MED13L: variants seen among roughly 807,000 people sequenced by gnomAD.
The protein encoded by MED13L is mediator complex subunit 13L.
In MED13L, 7 loss-of-function variants were observed where a neutral mutation model predicts 220.9. That is an observed-to-expected ratio of 0.03 (90% confidence interval 0.02 to 0.06). The LOEUF (loss-of-function observed/expected upper bound fraction) is 0.06. Among genes scored for constraint, MED13L ranks in the 10% least tolerant of loss-of-function variants. The probability of loss-of-function intolerance (pLI) is 1.00; values close to 1 mark genes in which losing one functional copy is unlikely to be tolerated. For synonymous variants in MED13L, 1,011 were observed against 1,015.2 expected (o/e 1.00, Z 0.08); for missense variants, 1,965 against 2,760.5 (o/e 0.71, Z 6.46).
At chr12:116,078,037 G>C (rs1050492698) in intron 4 of MED13L, among the ~76,000 whole-genome samples, 2 of 151,586 alleles carry the variant, frequency 1.3e-5, no homozygotes, top group Admixed American at 6.6e-5. Context: ...CCAGCTACTC[G>C]GGAGGCTGAG....
At chr12:116,054,583 T>C (rs1482279071) in intron 4 of MED13L, among the ~76,000 whole-genome samples, 1 of 152,230 alleles carries the variant, frequency 6.6e-6, no homozygotes, top group Non-Finnish European at 1.5e-5. Flanking sequence ...ATAGCTTTCA[T>C]GTAAACATTA....
chr12:116,164,502 G>C (rs975783854), intron 2 of MED13L, among the ~76,000 whole-genome samples: 4 of 152,218 alleles, frequency 2.6e-5, no homozygotes, highest in Non-Finnish European at 4.4e-5. Flanking sequence ...TTTTCTGACT[G>C]ATGTGACATG....
chr12:116,277,084 A>G lies in MED13L; in HGVS notation c.48T>C (p.Asp16=), dbSNP rs1222406573. ...NWVANGASLE[D]CHSNLFSLAE... is the part of the protein sequence containing the mutation. ...CCAGCGAAAAGAGGTTGGAGTGACA[A>G]TCCTCCAGGCTCGCCCCGTTCGCCA... is the stretch of plus-strand genomic sequence containing the variant. The change falls in exon 1 of 31, where the codon GAT becomes GAC. Residue 16 remains aspartate, a synonymous_variant. Transcript: ENST00000281928. The G allele has an allele frequency of 6.3e-7, 1 of 1,593,794 alleles. No individual in the cohort carries two copies.
rs1876876797 is a variant in MED13L, at chr12:115,975,523, T to A, written c.5580A>T (p.Leu1860Phe). ...ACATCAAGTCTTCTCACCTGTTTGG[T>A]AAAGCAATATTTACAACGCAGGTCT... ...LLETCVVNIA[L>F]PNRSRRSKVS... The change falls in exon 24 of 31, where the codon TTA becomes TTT. Residue 1860 changes from leucine (L) to phenylalanine (F), a missense_variant. Leu to Phe is a conservative substitution (Grantham distance 22). Around this residue, in one of 10 missense-constraint regions of MED13L, gnomAD observed 510 missense variants for 620.4 expected, o/e 0.82. Transcript: ENST00000281928. The A allele has an allele frequency of 6.2e-7, 1 of 1,613,752 alleles. No individual in the cohort carries two copies. The highest frequency in any genetic ancestry group is 1.3e-5 in the African/African-American group (1 of 74,928).
intron 2 of MED13L, among the ~76,000 whole-genome samples, chr12:116,165,331 TTTTG>T (rs1183240605): frequency 7.3e-5 from 11 of 150,512 alleles, no homozygotes; most frequent in African/African-American, 2.0e-4. Flanking sequence ...ATGTCCACTT[TTTTG>T]TTTGTTTATT....
At chr12:116,020,063 G>C in intron 5 of MED13L, 91 bp from the exon 6 acceptor site, 1 of 1,146,742 alleles carries the variant, frequency 8.7e-7, no homozygotes. Context: ...TTAGGTTACA[G>C]TATCACTTAA....
chr12:116,225,090 T>TG (rs1868834085), intron 2 of MED13L, among the ~76,000 whole-genome samples: 1 of 152,206 alleles, frequency 6.6e-6, no homozygotes, highest in South Asian at 2.1e-4. Context: ...TCTAAATGTG[T>TG]GGGCAACTGA....
At chr12:116,101,777 G>C (rs1237937404) in intron 3 of MED13L, among the ~76,000 whole-genome samples, 1 of 152,090 alleles carries the variant, frequency 6.6e-6, no homozygotes. Flanking sequence ...CAAGCTTTGA[G>C]GGTCAAAATT....
At chr12:115,985,063 GT>G (rs1877595113) in intron 19 of MED13L, among the ~76,000 whole-genome samples, 1 of 152,154 alleles carries the variant, frequency 6.6e-6, no homozygotes, top group African/African-American at 2.4e-5. Flanking sequence ...AAATCCTCTA[GT>G]GTATACTCTT....
chr12:116,204,710 T>A (rs1011475886), intron 2 of MED13L, among the ~76,000 whole-genome samples: 3 of 152,184 alleles, frequency 2.0e-5, no homozygotes, highest in Non-Finnish European at 2.9e-5. Flanking sequence ...GACCCACTGT[T>A]TTCCCTAGAC....
At chr12:116,154,599 T>C (rs1407452864) in intron 2 of MED13L, among the ~76,000 whole-genome samples, 2 of 152,168 alleles carry the variant, frequency 1.3e-5, no homozygotes, top group Non-Finnish European at 1.5e-5. Context: ...TAATTAAGTA[T>C]TACTTAAGAA....
chr12:116,033,328 C>A (rs944074874), intron 4 of MED13L, among the ~76,000 whole-genome samples: 7 of 152,134 alleles, frequency 4.6e-5, no homozygotes, highest in African/African-American at 1.4e-4. Flanking sequence ...GTGCCCTACA[C>A]AAACACTACT....
chr12:116,124,826 C>A (rs556270979), intron 2 of MED13L, among the ~76,000 whole-genome samples: 10 of 152,292 alleles, frequency 6.6e-5, no homozygotes, highest in Non-Finnish European at 1.0e-4. Context: ...CCTTTCCATA[C>A]ACACAAATGC....
At chr12:116,262,436 T>C (rs967007526) in intron 1 of MED13L, among the ~76,000 whole-genome samples, 3 of 152,220 alleles carry the variant, frequency 2.0e-5, no homozygotes, top group African/African-American at 7.2e-5. Context: ...ACTAAATTTC[T>C]CACAGCTTTC....
In MED13L at chr12:116,002,997, A is replaced by G. The variant is rs780386949; in HGVS notation, c.2569+6T>C. On this transcript the variant is annotated splice_donor_region_variant and intron_variant, in intron 14 of 30. Coordinates refer to ENST00000281928, the MANE Select transcript of MED13L (RefSeq NM_015335.5). ...CACAATGGCTCAGTCAAGTTTCTCT[A>G]CCTACTTGGTGGATAAGGAACAGCA... 5 of 1,610,074 alleles carry G rather than the reference A, an allele frequency of 3.1e-6. No individual in the cohort carries two copies. The highest frequency in any genetic ancestry group is 1.7e-6 in the Non-Finnish European group (2 of 1,176,232).
intron 2 of MED13L, among the ~76,000 whole-genome samples, chr12:116,129,908 CAAAAAAAAAAAAAA>C (rs1166239021): frequency 7.3e-5 from 7 of 95,454 alleles, no homozygotes; most frequent in Non-Finnish European, 1.3e-4. Flanking sequence ...GACTCAGTCT[CAAAAAAAAAAAAAA>C]GAAAGAAAGA....
In MED13L at chr12:116,277,244, G is replaced by A; in HGVS notation, c.-113C>T. 3.3e-6 allele frequency: 1 copy of A among 299,762 alleles called. No individual in the cohort carries two copies. The highest frequency in any genetic ancestry group is 3.9e-6 in the Non-Finnish European group (1 of 259,150). The allele number at this position is 299,762 out of a possible 1,614,324, so 18.6% of individuals were successfully genotyped here. A position where few individuals can be genotyped will look rare whatever the true frequency, so the allele number is the denominator to read the frequency against. ...GGGAGCGCGGGGCGGCCGGGCCGCC[G>A]CCGCCGCCGGGGGAGGGCGCGAGGG... On this transcript the variant is annotated 5_prime_UTR_variant, in exon 1 of 31. Transcript: ENST00000281928.
chr12:116,140,699 A>G (rs1876992021), intron 2 of MED13L, among the ~76,000 whole-genome samples: 1 of 152,214 alleles, frequency 6.6e-6, no homozygotes, highest in Admixed American at 6.5e-5. Flanking sequence ...AACAACAATC[A>G]GTCATCCCTA....
chr12:116,238,161 G>C (rs1351859602), intron 1 of MED13L, among the ~76,000 whole-genome samples: 2 of 152,058 alleles, frequency 1.3e-5, no homozygotes, highest in Non-Finnish European at 1.5e-5. Context: ...TTTTTAATTA[G>C]GGAAGCAGTT....
Sources: gnomAD v4.1 joint callset for allele counts (sites outside exome capture counted in the v4.1 genomes callset) on GRCh38, gnomAD v4.1.1 for gene constraint, gnomAD v4.1.1 regional missense constraint, MANE v1.5 for transcripts, NCBI Gene and HGNC (gene_info 2026-07-23, HGNC 2026-07-21) for gene names.